Variants in ASXL3 observed in about 807,000 individuals in gnomAD.
ASXL3 encodes ASXL transcriptional regulator 3, also known as putative Polycomb group protein ASXL3.
ASXL3 carries 34 observed loss-of-function variants against 170.6 expected under a neutral mutation model. The ratio of observed to expected loss-of-function variants is 0.20; its 90% confidence interval spans 0.15 to 0.27. ASXL3 has a LOEUF of 0.27. Among genes scored for constraint, ASXL3 ranks in the 10% least tolerant of loss-of-function variants. The pLI is 1.00. For synonymous variants in ASXL3, 1,002 were observed against 989.1 expected, an observed-to-expected ratio of 1.01 and a Z score of -0.24; for missense variants, 2,592 against 2,695.3, an observed-to-expected ratio of 0.96 and a Z score of 0.85.
intron 8 of ASXL3, among the ~76,000 whole-genome samples, chr18:33,705,371 T>A (rs914463814): frequency 6.6e-6 from 1 of 151,458 alleles, no homozygotes; most frequent in Non-Finnish European, 1.5e-5. Context: ...TTTGTTTTTT[T>A]TTTTAATTTA....
intron 8 of ASXL3, among the ~76,000 whole-genome samples, chr18:33,713,671 T>G (rs1185091305): frequency 6.6e-6 from 1 of 152,228 alleles, no homozygotes; most frequent in East Asian, 1.9e-4. Flanking sequence ...AGCATCCATG[T>G]TGACATAACG....
chr18:33,720,485 C>T (rs2067240924), intron 8 of ASXL3, among the ~76,000 whole-genome samples: 1 of 152,066 alleles, frequency 6.6e-6, no homozygotes, highest in African/African-American at 2.4e-5. Flanking sequence ...CCCCTTCCCC[C>T]TCTGCTACAC....
Position 33,578,458 on chromosome 18 carries a change from CCCGCCGCCGCCG to C in ASXL3, c.-144_-133del, listed in dbSNP as rs552419485. The stretch of plus-strand genomic sequence containing the variant: ...CCACCCCCTCGCTCCATCCCTCCCA[CCCGCCGCCGCCG>C]CCGCCGCCGCCGCCGCCGCCGCCGC... On this transcript the variant is annotated 5_prime_UTR_variant, in exon 1 of 12. Coordinates refer to ENST00000269197, the MANE Select transcript of ASXL3 (RefSeq NM_030632.3). 5.6e-3 allele frequency: 527 copies of C among 94,208 alleles called. 9 individuals are homozygous for C. The highest frequency in any genetic ancestry group is 0.016 in the African/African-American group (266 of 16,674). 5.8% of individuals were successfully genotyped at this position (94,208 alleles called of 1,614,324 possible).
intron 2 of ASXL3, among the ~76,000 whole-genome samples, chr18:33,637,033 A>G (rs1336157224): frequency 6.6e-6 from 1 of 152,124 alleles, no homozygotes; most frequent in Admixed American, 6.6e-5. Context: ...AATGCTATTT[A>G]CACTTCCTGG....
At chr18:33,656,820 A>G (rs1157245891) in intron 4 of ASXL3, among the ~76,000 whole-genome samples, 4 of 152,122 alleles carry the variant, frequency 2.6e-5, no homozygotes, top group Non-Finnish European at 4.4e-5. Context: ...CAAGTTTACA[A>G]CAATTCATTT....
intron 1 of ASXL3, among the ~76,000 whole-genome samples, chr18:33,600,508 A>G (rs527331641): frequency 6.6e-6 from 1 of 151,310 alleles, no homozygotes; most frequent in African/African-American, 2.5e-5. Context: ...TTTTTTGTTA[A>G]GAGAAGTTTT....
chr18:33,671,084 T>C (rs2066333331), intron 6 of ASXL3, among the ~76,000 whole-genome samples: 1 of 152,162 alleles, frequency 6.6e-6, no homozygotes, highest in South Asian at 2.1e-4. Context: ...CTTTGGCTTT[T>C]GTTTGAATGT....
intron 5 of ASXL3, among the ~76,000 whole-genome samples, chr18:33,664,717 T>C (rs2066230575): frequency 6.6e-6 from 1 of 152,226 alleles, no homozygotes. Flanking sequence ...TAAAGCATGT[T>C]GCTACAGAGA....
intron 2 of ASXL3, 120 bp downstream of exon 2, chr18:33,607,796 A>C: frequency 1.3e-6 from 1 of 745,484 alleles, no homozygotes. Flanking sequence ...ACTCCCCACA[A>C]ATTCTTTCTA....
At chr18:33,627,558 T>G (rs1458112959) in intron 2 of ASXL3, among the ~76,000 whole-genome samples, 2 of 152,162 alleles carry the variant, frequency 1.3e-5, no homozygotes, top group Non-Finnish European at 2.9e-5. Context: ...GAAGTTGTAG[T>G]CTCCTTGTTC....
intron 8 of ASXL3, among the ~76,000 whole-genome samples, chr18:33,720,614 C>A (rs2067243554): frequency 6.6e-6 from 1 of 152,090 alleles, no homozygotes; most frequent in Admixed American, 6.6e-5. Flanking sequence ...CGAGGCCCAG[C>A]AGAATGTCCC....
chr18:33,636,492 C>G (rs1400281691), intron 2 of ASXL3, among the ~76,000 whole-genome samples: 1 of 152,072 alleles, frequency 6.6e-6, no homozygotes, highest in Non-Finnish European at 1.5e-5. Flanking sequence ...GGAGTTGAAG[C>G]AGGGAGACCA....
intron 8 of ASXL3, among the ~76,000 whole-genome samples, chr18:33,731,365 C>T (rs1044575254): frequency 6.6e-6 from 1 of 152,104 alleles, no homozygotes; most frequent in East Asian, 1.9e-4. Flanking sequence ...CAGGTGAAAG[C>T]ATCTTCACAC....
At chr18:33,617,959 A>G (rs1002453614) in intron 2 of ASXL3, among the ~76,000 whole-genome samples, 2 of 151,948 alleles carry the variant, frequency 1.3e-5, no homozygotes, top group East Asian at 1.9e-4. Context: ...TTCCTCTCTT[A>G]TTTCATTGCT....
chr18:33,584,077 G>A (rs2065014914), intron 1 of ASXL3, among the ~76,000 whole-genome samples: 1 of 152,206 alleles, frequency 6.6e-6, no homozygotes, highest in African/African-American at 2.4e-5. Context: ...TATGTGGTAT[G>A]TGGTGATTGT....
chr18:33,626,882 T>A (rs2145163762), intron 2 of ASXL3: 2 of 153,162 alleles, frequency 1.3e-5, no homozygotes, highest in Middle Eastern at 6.8e-3. Context: ...GACCCCGGCA[T>A]GGCTTGGAGA....
At chr18:33,597,053 G>A (rs1290981612) in intron 1 of ASXL3, among the ~76,000 whole-genome samples, 4 of 152,106 alleles carry the variant, frequency 2.6e-5, no homozygotes, top group Admixed American at 2.0e-4. Flanking sequence ...GAGCTCGAGC[G>A]ATCTGCCCGC....
At chr18:33,700,195 G>A (rs1050675987) in intron 8 of ASXL3, among the ~76,000 whole-genome samples, 2 of 152,024 alleles carry the variant, frequency 1.3e-5, no homozygotes, top group Non-Finnish European at 2.9e-5. Flanking sequence ...AGATCAAAGT[G>A]ATAGAGTTCC....
intron 8 of ASXL3, among the ~76,000 whole-genome samples, chr18:33,688,861 C>T (rs2066641936): frequency 6.6e-6 from 1 of 152,048 alleles, no homozygotes; most frequent in Admixed American, 6.6e-5. Flanking sequence ...TGCCCTCCAT[C>T]GTCTTTTGAA....
Sources: gnomAD v4.1 joint callset for allele counts (sites outside exome capture counted in the v4.1 genomes callset) on GRCh38, gnomAD v4.1.1 for gene constraint, MANE v1.5 for transcripts, NCBI Gene and HGNC (gene_info 2026-07-23, HGNC 2026-07-21) for gene names.